CHRDL2: variants seen among roughly 807,000 people sequenced by gnomAD.
CHRDL2 encodes chordin like 2, also known as chordin-like protein 2.
Under a neutral mutation model 54.3 loss-of-function variants are expected in CHRDL2, and 41 were observed. The ratio of observed to expected loss-of-function variants is 0.76; its 90% confidence interval spans 0.59 to 0.98. The LOEUF (loss-of-function observed/expected upper bound fraction) is 0.98. CHRDL2 is among the 50% of genes least tolerant of loss of function. The pLI, the probability that CHRDL2 is intolerant of heterozygous loss-of-function variation, is 0.00. For synonymous variants in CHRDL2, 220 were observed against 224.3 expected, an observed-to-expected ratio of 0.98 and a Z score of 0.17; for missense variants, 518 against 562.4, an observed-to-expected ratio of 0.92 and a Z score of 0.80.
chr11:74,710,235 G>T (rs999119411), intron 4 of CHRDL2, among the ~76,000 whole-genome samples: 6 of 148,940 alleles, frequency 4.0e-5, no homozygotes, highest in African/African-American at 1.2e-4. Flanking sequence ...AAAAAAAAAT[G>T]ACACGCGGAA....
chr11:74,718,254 C>CGGAA (rs2034412622), intron 2 of CHRDL2, among the ~76,000 whole-genome samples: 1 of 152,132 alleles, frequency 6.6e-6, no homozygotes, highest in Non-Finnish European at 1.5e-5. Flanking sequence ...AAAATCCTTC[C>CGGAA]AGGTGGAGGT....
intron 1 of CHRDL2, among the ~76,000 whole-genome samples, chr11:74,725,298 C>A (rs114811005): frequency 0.013 from 2,000 of 152,334 alleles, 39 homozygotes; most frequent in African/African-American, 0.044. Flanking sequence ...GCCCTGGAAG[C>A]CTCTTTCTTT....
intron 1 of CHRDL2, among the ~76,000 whole-genome samples, chr11:74,722,590 T>G (rs962624909): frequency 1.3e-5 from 2 of 152,076 alleles, no homozygotes; most frequent in African/African-American, 4.8e-5. Context: ...CAGACTTCCT[T>G]AATAGTTTGT....
chr11:74,698,067 C>CT (rs11297072), intron 9 of CHRDL2, among the ~76,000 whole-genome samples: 65 of 130,634 alleles, frequency 5.0e-4, no homozygotes, highest in South Asian at 1.2e-3. Flanking sequence ...ACTTTTTTTT[C>CT]TTTTTTTTTT....
chr11:74,704,396 G>C, intron 7 of CHRDL2, 90 bp downstream of exon 7: 2 of 1,271,626 alleles, frequency 1.6e-6, no homozygotes, highest in Non-Finnish European at 2.2e-6. Flanking sequence ...AACTGCTGAG[G>C]AGAGGGTTCA....
chr11:74,731,273 G>C lies in CHRDL2; in HGVS notation c.-385C>G, dbSNP rs2034650106. On this transcript the variant is annotated 5_prime_UTR_variant, in exon 1 of 11. Transcript: ENST00000376332. The surrounding 1 kb of genome is among the most constrained non-coding windows in gnomAD (Gnocchi z 4.4). ...GCGCGCGGGACCAGCGGGTGTTGCGGGCGCGCGGGCTAGAGGCGGCCGGCG... is the reference window on the plus strand; with the variant it reads ...GCGCGCGGGACCAGCGGGTGTTGCGCGCGCGCGGGCTAGAGGCGGCCGGCG... 1 of 153,746 alleles carries C rather than the reference G, an allele frequency of 6.5e-6. No homozygotes were observed. Among genetic ancestry groups the C allele is most frequent in the South Asian group, 1.8e-4 (1 of 5,538 alleles). The allele number at this position is 153,746 out of a possible 1,614,324, so 9.5% of individuals were successfully genotyped here. A position where few individuals can be genotyped will look rare whatever the true frequency, so the allele number is the denominator to read the frequency against.
Position 74,708,955 on chromosome 11 carries a change from C to T in CHRDL2, c.433-560G>A, listed in dbSNP as rs180848106. On this transcript the variant is annotated intron_variant, in intron 4 of 10. Coordinates refer to ENST00000376332, the MANE Select transcript of CHRDL2 (RefSeq NM_001278473.3). The stretch of plus-strand genomic sequence containing the variant: ...CTTCTTTCCTCTGGGCCTGAGATTC[C>T]TCCTCTGTGAAGTGGGGTCACACCC... Among the ~76,000 whole-genome samples the T allele has an allele frequency of 3.9e-5, 6 of 152,312 alleles. No individual in the cohort carries two copies. The East Asian group carries it at 7.7e-4, about 20-fold the overall frequency.
At chr11:74,727,814 C>T (rs1357117364) in intron 1 of CHRDL2, among the ~76,000 whole-genome samples, 1 of 151,764 alleles carries the variant, frequency 6.6e-6, no homozygotes, top group African/African-American at 2.4e-5. Flanking sequence ...GGAAGAGAAC[C>T]AAAGAGAGGA....
chr11:74,728,149 T>C (rs371809728), intron 1 of CHRDL2, among the ~76,000 whole-genome samples: 4 of 152,282 alleles, frequency 2.6e-5, no homozygotes, highest in African/African-American at 9.6e-5. Flanking sequence ...AAAGAGAGAA[T>C]ACTTTTTGTT....
intron 1 of CHRDL2, among the ~76,000 whole-genome samples, chr11:74,722,948 A>C (rs1014579764): frequency 1.3e-5 from 2 of 152,166 alleles, no homozygotes; most frequent in African/African-American, 4.8e-5. Context: ...GGCAAAGGAA[A>C]GCCATGGAAA....
At chr11:74,712,844 A>G (rs1350314724) in intron 3 of CHRDL2, among the ~76,000 whole-genome samples, 3 of 152,116 alleles carry the variant, frequency 2.0e-5, no homozygotes, top group Non-Finnish European at 4.4e-5. Context: ...TTCTTCCTAG[A>G]ATCTTATTCT....
intron 1 of CHRDL2, among the ~76,000 whole-genome samples, chr11:74,727,386 AC>A (rs1367604307): frequency 1.3e-4 from 19 of 151,788 alleles, no homozygotes; most frequent in African/African-American, 4.4e-4. Context: ...AATAAACAAA[AC>A]CCTTGAAGAA....
In CHRDL2 at chr11:74,713,398, G is replaced by T. The variant is rs545301855; in HGVS notation, c.277C>A (p.Pro93Thr). The change falls in exon 3 of 11, where the codon CCC becomes ACC. Residue 93 changes from proline (P) to threonine (T), a missense_variant. Pro to Thr is a conservative substitution (Grantham distance 38). Transcript: ENST00000376332. ...CATGGCTACTTACCCACACACTTGG[G>T]ACAGCATTGCTGTGGCTCCGTCACA... is the stretch of plus-strand genomic sequence containing the variant. ...QPVTEPQQCC[P>T]KCVEPHTPSG... is the part of the protein sequence containing the mutation. The T allele has an allele frequency of 1.4e-5, 23 of 1,613,928 alleles. No individual in the cohort carries two copies. In the South Asian group the frequency reaches 2.2e-4, roughly 15 times the overall value.
intron 5 of CHRDL2, among the ~76,000 whole-genome samples, chr11:74,707,334 C>T (rs72991215): frequency 6.6e-6 from 1 of 152,332 alleles, no homozygotes; most frequent in Non-Finnish European, 1.5e-5. Flanking sequence ...AAAATGCAAA[C>T]ATCTGGGGAT....
intron 3 of CHRDL2, among the ~76,000 whole-genome samples, chr11:74,711,563 G>A (rs532425008): frequency 9.0e-4 from 137 of 152,312 alleles, no homozygotes; most frequent in Middle Eastern, 3.4e-3. Flanking sequence ...CTCTGGTCCT[G>A]AGAGAGCCCA....
rs764686642 is a variant in CHRDL2 at position 74,718,852 on chromosome 11, C to A, written c.83-20G>T. On this transcript the variant is annotated intron_variant, in intron 1 of 10. Coordinates refer to ENST00000376332, the MANE Select transcript of CHRDL2 (RefSeq NM_001278473.3). ...CTGGGCCTGGCAAACCGACCAGTGC[C>A]ATGTTAGTCCCAGGAGGCTCCAGCC... 1.3e-6 allele frequency: 2 copies of A among 1,495,862 alleles called. No homozygotes were observed. Among genetic ancestry groups the A allele is most frequent in the South Asian group, 2.3e-5 (2 of 85,722 alleles). 92.7% of individuals were successfully genotyped at this position (1,495,862 alleles called of 1,614,324 possible). A position where few individuals can be genotyped will look rare whatever the true frequency, so the allele number is the denominator to read the frequency against.
chr11:74,729,411 T>G (rs4944944), intron 1 of CHRDL2, among the ~76,000 whole-genome samples: 77,039 of 152,026 alleles, frequency 0.51, 20,021 homozygotes, highest in Admixed American at 0.61. Flanking sequence ...TTAGACAGAT[T>G]AGGAAATTGA....
In CHRDL2 at chr11:74,731,157, G is replaced by C. The variant is rs1179153251; in HGVS notation, c.-269C>G. The C allele has an allele frequency of 2.2e-6, 1 of 462,584 alleles. No homozygotes were observed. The highest frequency in any genetic ancestry group is 3.9e-6 in the Non-Finnish European group (1 of 258,842). The allele number at this position is 462,584 out of a possible 1,614,324, so 28.7% of individuals were successfully genotyped here. A position where few individuals can be genotyped will look rare whatever the true frequency, so the allele number is the denominator to read the frequency against. On this transcript the variant is annotated 5_prime_UTR_variant, in exon 1 of 11. Coordinates refer to ENST00000376332, the MANE Select transcript of CHRDL2 (RefSeq NM_001278473.3). The surrounding 1 kb of genome is among the most constrained non-coding windows in gnomAD (Gnocchi z 4.4). ...ACGAAGGAAGGTCCAGCAGAAGGGAGAGGCGATCAAAGAAAGGGGGAAGGT... is the reference window on the plus strand; with the variant it reads ...ACGAAGGAAGGTCCAGCAGAAGGGACAGGCGATCAAAGAAAGGGGGAAGGT...
Position 74,696,520 on chromosome 11 carries a change from T to A in CHRDL2, c.1279A>T (p.Thr427Ser), listed in dbSNP as rs142704636. ...LKVTASPDKV[T>S]KT ...CTGTTAGGTCTTTGTTATGTCTTGG[T>A]CACTTTGTCTGGACTGGCCGTGACC... The change falls in exon 11 of 11, where the codon ACC (threonine) becomes TCC (serine). Residue 427 changes from threonine to serine, a missense_variant. Physicochemically the swap from Thr to Ser is moderately conservative, Grantham distance 58. Transcript: ENST00000376332. 2.8e-5 allele frequency: 45 copies of A among 1,613,810 alleles called. No homozygotes were observed. The highest frequency in any genetic ancestry group is 3.3e-4 in the Middle Eastern group (2 of 6,032).
Sources: gnomAD v4.1 joint callset for allele counts (sites outside exome capture counted in the v4.1 genomes callset) on GRCh38, gnomAD v4.1.1 for gene constraint, Gnocchi (gnomAD v3.1) non-coding constraint, MANE v1.5 for transcripts, NCBI Gene and HGNC (gene_info 2026-07-23, HGNC 2026-07-21) for gene names.